LRIT3: variants seen among roughly 807,000 people sequenced by gnomAD.
LRIT3 encodes the protein leucine-rich repeat, immunoglobulin-like domain and transmembrane domain-containing protein 3.
Under a neutral mutation model 22.6 loss-of-function variants are expected in LRIT3, and 14 were observed. That is an observed-to-expected ratio of 0.62 (90% CI 0.41 to 0.97). The LOEUF (loss-of-function observed/expected upper bound fraction) is 0.97, where lower values mean the gene tolerates loss of function less well. Ranked by LOEUF, LRIT3 falls within the 50% of genes least tolerant of loss-of-function variation. The pLI, the probability that LRIT3 is intolerant of heterozygous loss-of-function variation, is 0.00. For synonymous variants in LRIT3, 306 were observed against 304.5 expected (o/e 1.01, Z -0.05); for missense variants, 783 against 803.0 (o/e 0.98, Z 0.30).
Position 109,848,279 on chromosome 4 carries a change from C to T in LRIT3, c.78C>T (p.Thr26=), listed in dbSNP as rs1734121899. ...GVGCLCPSQC[T]CDYHGRNDGS... ...GCTGTTTGTGTCCTTCACAGTGCAC[C>T]TGTGATTATCACGGCAGAAATGACG... Residue 26 remains threonine, a synonymous_variant, in exon 1 of 4, where the codon ACC becomes ACT. Transcript: ENST00000594814. 8.1e-7 allele frequency: 1 copy of T among 1,232,014 alleles called. No homozygotes were observed. The highest frequency in any genetic ancestry group is 1.0e-6 in the Non-Finnish European group (1 of 987,880). 76.3% of individuals were successfully genotyped at this position (1,232,014 alleles called of 1,614,324 possible).
chr4:109,862,180 T>C (rs1322047102), intron 2 of LRIT3, among the ~76,000 whole-genome samples: 2 of 152,190 alleles, frequency 1.3e-5, no homozygotes, highest in Admixed American at 1.3e-4. Flanking sequence ...TGCTCACTTT[T>C]CACACAAAAA....
At chr4:109,858,400 TGTTAGTTGTTTC>T (rs1375876692) in intron 2 of LRIT3, among the ~76,000 whole-genome samples, 1 of 152,052 alleles carries the variant, frequency 6.6e-6, no homozygotes, top group East Asian at 1.9e-4. Flanking sequence ...CAATTGGATG[TGTTAGTTGTTTC>T]CTGCTGTGGC....
intron 1 of LRIT3, among the ~76,000 whole-genome samples, chr4:109,849,322 G>A (rs1307053115): frequency 6.6e-6 from 1 of 152,192 alleles, no homozygotes; most frequent in East Asian, 1.9e-4. Context: ...TAGCAGTGAA[G>A]GATCAGGCCA....
At chr4:109,867,996 A>G (rs754136246) in intron 3 of LRIT3, 50 bp downstream of exon 3, 159 of 1,526,198 alleles carry the variant, frequency 1.0e-4, no homozygotes, top group Non-Finnish European at 1.4e-4. Flanking sequence ...TAAGCTTTGA[A>G]GTTAACATCA....
intron 1 of LRIT3, among the ~76,000 whole-genome samples, chr4:109,850,405 TCCTTCCTTCCTTCCTTC>T (rs1167159634): frequency 0.041 from 171 of 4,182 alleles, 1 homozygote; most frequent in African/African-American, 0.1. Flanking sequence ...CTTCCTTCCT[TCCTTCCTTCCTTCCTTC>T]CTTTCTTTCT....
intron 2 of LRIT3, among the ~76,000 whole-genome samples, chr4:109,859,209 C>T (rs1456147569): frequency 6.6e-5 from 10 of 152,008 alleles, no homozygotes; most frequent in South Asian, 4.2e-4. Flanking sequence ...TCTGGTCCCA[C>T]GGTGCCACCA....
At chr4:109,850,414 C>CTTTCT (rs1560588921) in intron 1 of LRIT3, among the ~76,000 whole-genome samples, 1 of 11,764 alleles carries the variant, frequency 8.5e-5, no homozygotes, top group Non-Finnish European at 1.7e-4. Context: ...TTCCTTCCTT[C>CTTTCT]CTTCCTTCCT....
chr4:109,852,076 T>C (rs1244740108), intron 2 of LRIT3, 100 bp downstream of exon 2: 25 of 1,075,286 alleles, frequency 2.3e-5, no homozygotes, highest in Non-Finnish European at 3.3e-5. Flanking sequence ...GGCTTTTTAC[T>C]CTGTAATTGC....
intron 3 of LRIT3, 57 bp from the exon 4 acceptor site, chr4:109,869,588 A>G (rs1734768509): frequency 9.4e-6 from 14 of 1,485,134 alleles, no homozygotes; most frequent in East Asian, 2.3e-5. Flanking sequence ...CTCAGTTGGC[A>G]TGGTGGCTTG....
At chr4:109,869,490 C>A (rs1734766289) in intron 3 of LRIT3, among the ~76,000 whole-genome samples, 155 bp from the exon 4 acceptor site, 1 of 152,238 alleles carries the variant, frequency 6.6e-6, no homozygotes, top group Admixed American at 6.5e-5. Flanking sequence ...GTTTGCAGAA[C>A]TATCACCCAC....
At position 109,870,545 on chromosome 4, in the gene LRIT3, T is replaced by C; in HGVS notation, c.1796T>C (p.Ile599Thr). ...STACVVILPLICFLLYKVCKL... is the reference protein window; with the variant it reads ...STACVVILPLTCFLLYKVCKL... ...GCCTGTGTTGTTATCTTACCATTGA[T>C]TTGTTTCTTGTTGTACAAAGTTTGC... The change falls in exon 4 of 4, where the codon ATT becomes ACT. Residue 599 changes from isoleucine (I) to threonine (T), a missense_variant. This residue lies in a region of LRIT3 where 756 missense variants were observed against 753.8 expected (regional missense o/e 1.00). Transcript: ENST00000594814. 1 of 1,614,212 alleles carries C rather than the reference T, an allele frequency of 6.2e-7. No homozygotes were observed. The highest frequency in any genetic ancestry group is 8.5e-7 in the Non-Finnish European group (1 of 1,180,016).
intron 3 of LRIT3, among the ~76,000 whole-genome samples, chr4:109,868,554 A>C (rs1455940072): frequency 0.025 from 1,148 of 45,050 alleles, 14 homozygotes; most frequent in African/African-American, 0.043. Context: ...ACTGTCTTAA[A>C]AAAAAAAAAA....
At chr4:109,856,947 A>G (rs1034564791) in intron 2 of LRIT3, among the ~76,000 whole-genome samples, 5 of 152,106 alleles carry the variant, frequency 3.3e-5, no homozygotes, top group Non-Finnish European at 5.9e-5. Flanking sequence ...TAAATCGTTT[A>G]CTCCTTTTAA....
At chr4:109,856,119 A>G (rs183511247) in intron 2 of LRIT3, among the ~76,000 whole-genome samples, 61 of 152,276 alleles carry the variant, frequency 4.0e-4, no homozygotes, top group African/African-American at 1.4e-3. Context: ...ACATCCATTC[A>G]TAGGCTCTCT....
At chr4:109,852,872 A>T (rs1390927167) in intron 2 of LRIT3, among the ~76,000 whole-genome samples, 9 of 152,106 alleles carry the variant, frequency 5.9e-5, no homozygotes, top group Admixed American at 4.6e-4. Flanking sequence ...GTTTGCTGAG[A>T]ATGATGGTTT....
At chr4:109,850,857 C>A (rs1394174381) in intron 1 of LRIT3, among the ~76,000 whole-genome samples, 1 of 152,104 alleles carries the variant, frequency 6.6e-6, no homozygotes. Context: ...TGCTCAAGGT[C>A]AACTCCTAAT....
chr4:109,850,418 C>CTTT (rs1491056843), intron 1 of LRIT3, among the ~76,000 whole-genome samples: 1,522 of 28,120 alleles, frequency 0.054, 254 homozygotes, highest in South Asian at 0.081. Context: ...TTCCTTCCTT[C>CTTT]CTTCCTTTCT....
chr4:109,867,549 A>G (rs1421379679), intron 2 of LRIT3, 92 bp from the exon 3 acceptor site: 8 of 1,179,260 alleles, frequency 6.8e-6, no homozygotes, highest in Middle Eastern at 2.0e-4. Context: ...GTTTATAGGG[A>G]GACAGTGTAG....
At chr4:109,856,231 A>G (rs6533469) in intron 2 of LRIT3, among the ~76,000 whole-genome samples, 96,094 of 152,014 alleles carry the variant, frequency 0.63, 30,698 homozygotes, top group African/African-American at 0.66. Context: ...CAATTATCAG[A>G]AGCATTTCAT....
Sources: allele counts gnomAD v4.1 joint callset (sites outside exome capture counted in the v4.1 genomes callset), GRCh38; gene constraint gnomAD v4.1.1; regional missense constraint gnomAD v4.1.1; transcripts MANE v1.5; gene names NCBI Gene and HGNC (gene_info 2026-07-23, HGNC 2026-07-21).